KLF12: variants seen among roughly 807,000 people sequenced by gnomAD.
KLF12 encodes KLF transcription factor 12, also known as Krueppel-like factor 12.
KLF12 carries 9 observed loss-of-function variants against 37.8 expected under a neutral mutation model. That is an observed-to-expected ratio of 0.24 (90% CI 0.14 to 0.42). KLF12 has a LOEUF of 0.42. Ranked by LOEUF, KLF12 falls within the 10% of genes least tolerant of loss-of-function variation. The pLI, the probability that KLF12 is intolerant of heterozygous loss-of-function variation, is 1.00. For missense variants in KLF12, 411 were observed against 516.0 expected (o/e 0.80, Z 1.97); for synonymous variants, 208 against 202.1 (o/e 1.03, Z -0.25).
chr13:73,848,590 A>G (rs1566414419), intron 3 of KLF12, among the ~76,000 whole-genome samples: 1 of 148,304 alleles, frequency 6.7e-6, no homozygotes, highest in Non-Finnish European at 1.5e-5. Context: ...AGCATATTAT[A>G]TATAATACAT....
At chr13:73,780,311 G>A (rs771005619) in intron 5 of KLF12, among the ~76,000 whole-genome samples, 13 of 151,994 alleles carry the variant, frequency 8.6e-5, no homozygotes, top group Non-Finnish European at 1.5e-4. Flanking sequence ...CCTTAATGGC[G>A]ATTTCTGAGA....
intron 3 of KLF12, among the ~76,000 whole-genome samples, chr13:73,857,461 T>A (rs1885666949): frequency 6.6e-6 from 1 of 152,230 alleles, no homozygotes; most frequent in Non-Finnish European, 1.5e-5. Context: ...TATATTTTTG[T>A]ATAAAATGTG....
chr13:74,026,791 T>C (rs536241745), intron 1 of KLF12, among the ~76,000 whole-genome samples: 1 of 152,296 alleles, frequency 6.6e-6, no homozygotes, highest in East Asian at 1.9e-4. Flanking sequence ...TTTTGACCAC[T>C]CTACCTCAGT....
intron 5 of KLF12, among the ~76,000 whole-genome samples, chr13:73,788,276 G>A (rs142407994): frequency 3.1e-4 from 47 of 152,254 alleles, no homozygotes; most frequent in African/African-American, 1.0e-3. Context: ...TTTTAAATCC[G>A]TTTCAAAGCA....
intron 1 of KLF12, among the ~76,000 whole-genome samples, chr13:74,039,997 G>C (rs1258322684): frequency 6.6e-6 from 1 of 152,202 alleles, no homozygotes; most frequent in Non-Finnish European, 1.5e-5. Flanking sequence ...GTGGTTAGTA[G>C]ACAATCTAGA....
intron 2 of KLF12, among the ~76,000 whole-genome samples, chr13:73,978,257 C>T (rs960594302): frequency 6.6e-5 from 10 of 151,704 alleles, no homozygotes; most frequent in East Asian, 5.8e-4. Flanking sequence ...ATGCAAAGAA[C>T]GCAAAGTTCA....
At chr13:74,160,092 T>G in the KLF12 span, among the ~76,000 whole-genome samples, 14 of 152,008 alleles carry the variant, frequency 9.2e-5, no homozygotes, top group South Asian at 2.7e-3. Context: ...TCTAGGTAAA[T>G]TAATAAATTG....
the KLF12 span, among the ~76,000 whole-genome samples, chr13:74,281,790 A>G: frequency 1.4e-4 from 21 of 152,322 alleles, no homozygotes; most frequent in South Asian, 4.1e-3. Flanking sequence ...TTTTTCTTGC[A>G]CAATAATTCA....
chr13:74,001,862 T>C (rs1892289434), intron 1 of KLF12, among the ~76,000 whole-genome samples: 1 of 152,338 alleles, frequency 6.6e-6, no homozygotes, highest in African/African-American at 2.4e-5. Context: ...AAATGAAATT[T>C]GCATTCTCAA....
rs531615917 is a variant in KLF12, at chr13:74,128,679, A to C, written c.-32+5060T>G. 9.8e-5 allele frequency among the ~76,000 whole-genome samples: 15 copies of C among 152,346 alleles called. 1 individual carries two copies. The highest frequency in any genetic ancestry group is 3.6e-4 in the African/African-American group (15 of 41,576). ...TGTGAAATGAAGGAAGGTTTTCTTT[A>C]CATTGTTTTCGAATAATTTAACTTG... On this transcript the variant is annotated intron_variant, in intron 1 of 7. Transcript: ENST00000377669.
intron 1 of KLF12, among the ~76,000 whole-genome samples, chr13:74,031,086 A>G (rs7997872): frequency 1 from 151,931 of 152,242 alleles, 75,811 homozygotes; most frequent in Middle Eastern, 1. Flanking sequence ...AAGACTCAGT[A>G]GATTCACAGA....
intron 1 of KLF12, among the ~76,000 whole-genome samples, chr13:74,086,177 G>T (rs1163304494): frequency 6.6e-6 from 1 of 151,508 alleles, no homozygotes; most frequent in East Asian, 1.9e-4. Context: ...GTGCAGGTTA[G>T]TTACATATGT....
At chr13:73,713,675 G>A (rs914950304) in intron 7 of KLF12, among the ~76,000 whole-genome samples, 2 of 152,226 alleles carry the variant, frequency 1.3e-5, no homozygotes, top group South Asian at 2.1e-4. Context: ...ATGCATAAAT[G>A]ATGTCTCCTC....
the KLF12 span, among the ~76,000 whole-genome samples, chr13:74,287,187 G>C: frequency 6.6e-6 from 1 of 152,094 alleles, no homozygotes; most frequent in East Asian, 1.9e-4. Flanking sequence ...CACTAGGTAA[G>C]GGGCTGGCTG....
intron 3 of KLF12, among the ~76,000 whole-genome samples, chr13:73,893,884 G>A (rs537475881): frequency 6.6e-6 from 1 of 152,236 alleles, no homozygotes; most frequent in African/African-American, 2.4e-5. Context: ...AGATTAGCAA[G>A]AGCAAATCCA....
the KLF12 span, among the ~76,000 whole-genome samples, chr13:74,297,077 TTC>T: frequency 6.6e-6 from 1 of 152,186 alleles, no homozygotes; most frequent in Non-Finnish European, 1.5e-5. Flanking sequence ...CATTCATTCA[TTC>T]ATTCATCTTA....
chr13:74,068,885 T>C (rs910398135), intron 1 of KLF12, among the ~76,000 whole-genome samples: 12 of 152,230 alleles, frequency 7.9e-5, no homozygotes, highest in African/African-American at 2.4e-4. Flanking sequence ...AAGGTATGTA[T>C]ACATCATCTT....
chr13:73,842,629 G>A (rs1048119757), intron 4 of KLF12, among the ~76,000 whole-genome samples: 3 of 152,158 alleles, frequency 2.0e-5, no homozygotes, highest in Non-Finnish European at 4.4e-5. Context: ...GACCAGATAC[G>A]TTATACCAAC....
At chr13:74,205,694 T>C in the KLF12 span, among the ~76,000 whole-genome samples, 1 of 152,056 alleles carries the variant, frequency 6.6e-6, no homozygotes, top group Non-Finnish European at 1.5e-5. Context: ...TTTATATTAT[T>C]TAAAAGAAAA....
Sources: gnomAD v4.1 joint callset for allele counts (sites outside exome capture counted in the v4.1 genomes callset) on GRCh38, gnomAD v4.1.1 for gene constraint, MANE v1.5 for transcripts, NCBI Gene and HGNC (gene_info 2026-07-23, HGNC 2026-07-21) for gene names.